Variants in SEC14L4 observed in about 807,000 individuals in gnomAD.
SEC14L4 encodes SEC14-like protein 4.
Under a neutral mutation model 55.1 loss-of-function variants are expected in SEC14L4, and 42 were observed. The observed-to-expected ratio is 0.76, with a 90% CI of 0.60 to 0.99. The LOEUF is 0.99. Among genes scored for constraint, SEC14L4 ranks in the 50% least tolerant of loss-of-function variants. SEC14L4 has a pLI of 0.00. For missense variants in SEC14L4, 445 were observed against 512.1 expected (o/e 0.87, Z 1.27); for synonymous variants, 206 against 206.8 (o/e 1.00, Z 0.03).
At chr22:30,492,416 T>C (rs756766269) in intron 8 of SEC14L4, 58 bp downstream of exon 8, 29 of 1,469,836 alleles carry the variant, frequency 2.0e-5, no homozygotes, top group Admixed American at 1.5e-4. Flanking sequence ...GCAGGGTCTT[T>C]AGCATTGACC....
At chr22:30,496,561 AC>A (rs373953875) in intron 2 of SEC14L4, among the ~76,000 whole-genome samples, 161 of 149,044 alleles carry the variant, frequency 1.1e-3, no homozygotes, top group Non-Finnish European at 1.6e-3. Context: ...AAGCAGAGAC[AC>A]CCCCCCCCAC....
chr22:30,503,482 C>T (rs1265443884), intron 2 of SEC14L4, among the ~76,000 whole-genome samples, 195 bp downstream of exon 2: 6 of 152,102 alleles, frequency 3.9e-5, no homozygotes, highest in Non-Finnish European at 7.4e-5. Context: ...AGGCTGGTCT[C>T]GAACTCCCGA....
intron 7 of SEC14L4, 200 bp from the exon 8 acceptor site, chr22:30,492,757 A>G (rs1362105734): frequency 1.4e-5 from 8 of 568,556 alleles, no homozygotes; most frequent in Non-Finnish European, 1.9e-5. Flanking sequence ...TAATGTATGT[A>G]TAACACCTGG....
chr22:30,499,874 G>GTTT (rs59479529), intron 2 of SEC14L4, among the ~76,000 whole-genome samples: 13 of 143,470 alleles, frequency 9.1e-5, no homozygotes, highest in African/African-American at 2.8e-4. Flanking sequence ...GAAATTAACT[G>GTTT]TTTTTTTTTT....
chr22:30,505,511 C>T, intron 1 of SEC14L4, 47 bp downstream of exon 1: 1 of 1,536,774 alleles, frequency 6.5e-7, no homozygotes, highest in Non-Finnish European at 8.8e-7. Context: ...CAGTGCCAGG[C>T]TGCTCAGGGC....
chr22:30,501,821 T>A (rs569831511), intron 2 of SEC14L4, among the ~76,000 whole-genome samples: 19 of 132,942 alleles, frequency 1.4e-4, no homozygotes, highest in South Asian at 1.2e-3. Context: ...ATTAAAGTTT[T>A]TATATATATA....
At chr22:30,496,121 TTGTG>T (rs1936142220) in intron 2 of SEC14L4, 150 bp from the exon 3 acceptor site, 3 of 654,566 alleles carry the variant, frequency 4.6e-6, no homozygotes, top group Admixed American at 2.7e-5. Flanking sequence ...GTTTGTTTGT[TTGTG>T]TGTTTATTTT....
At chr22:30,495,465 G>C in intron 4 of SEC14L4, 23 bp from the exon 5 acceptor site, 1 of 1,611,082 alleles carries the variant, frequency 6.2e-7, no homozygotes, top group Non-Finnish European at 8.5e-7. Context: ...GTAAGGTCCC[G>C]ACTCAATCCA....
intron 2 of SEC14L4, among the ~76,000 whole-genome samples, chr22:30,497,999 G>A (rs1360442200): frequency 6.6e-6 from 1 of 151,942 alleles, no homozygotes; most frequent in Non-Finnish European, 1.5e-5. Context: ...AACTGAACAG[G>A]GCAGTTCTAT....
rs565846284 is a variant in SEC14L4, at chr22:30,488,969, G to C, written c.*1138C>G. On this transcript the variant is annotated 3_prime_UTR_variant, in exon 12 of 12. Coordinates refer to ENST00000255858, the MANE Select transcript of SEC14L4 (RefSeq NM_174977.4). ...GAATGCCTCGTGGCACTGGCTTTAG[G>C]AGTTTAATCTAGATGGTTTGCTGTT... The C allele has an allele frequency of 6.6e-6, 1 of 151,512 alleles. No individual in the cohort carries two copies. The highest frequency in any genetic ancestry group is 2.1e-4 in the South Asian group (1 of 4,776). 9.4% of individuals were successfully genotyped at this position (151,512 alleles called of 1,614,324 possible).
At chr22:30,499,335 G>A (rs977619618) in intron 2 of SEC14L4, among the ~76,000 whole-genome samples, 2 of 150,372 alleles carry the variant, frequency 1.3e-5, no homozygotes, top group Admixed American at 1.3e-4. Context: ...CGCCTGCTTC[G>A]GCCTCCCAAA....
intron 2 of SEC14L4, among the ~76,000 whole-genome samples, chr22:30,496,672 T>C (rs987404186): frequency 3.3e-5 from 5 of 152,178 alleles, no homozygotes; most frequent in African/African-American, 1.2e-4. Flanking sequence ...TGTGAAACCT[T>C]GAGCAAGTCA....
intron 1 of SEC14L4, among the ~76,000 whole-genome samples, chr22:30,504,340 C>T (rs1042084969): frequency 1.3e-5 from 2 of 152,146 alleles, no homozygotes; most frequent in African/African-American, 4.8e-5. Flanking sequence ...CAGGCGTGAG[C>T]CACCATGCCC....
In SEC14L4 at chr22:30,495,374, G is replaced by A. The variant is rs1358237886; in HGVS notation, c.303C>T (p.Asn101=). The change falls in exon 5 of 12, where the codon AAC becomes AAT. Residue 101 remains asparagine, a synonymous_variant. Coordinates refer to ENST00000255858, the MANE Select transcript of SEC14L4 (RefSeq NM_174977.4). ...YDYEGCPVYF[N]IIGSLDPKGL... ...CCTTGGGGTCGAGGGACCCAATGAT[G>A]TTGAAGTACACAGGGCAGCCTTCGT... 3 of 1,613,996 alleles carry A rather than the reference G, an allele frequency of 1.9e-6. No individual in the cohort carries two copies. In the Admixed American group the frequency reaches 5.0e-5, roughly 27 times the overall value.
At position 30,489,780 on chromosome 22, in the gene SEC14L4, TG is replaced by T; in HGVS notation, c.*326del. 1.5e-6 allele frequency: 2 copies of T among 1,362,240 alleles called. No individual in the cohort carries two copies. The highest frequency in any genetic ancestry group is 2.1e-6 in the Non-Finnish European group (2 of 974,206). 84.4% of individuals were successfully genotyped at this position (1,362,240 alleles called of 1,614,324 possible). A position where few individuals can be genotyped will look rare whatever the true frequency, so the allele number is the denominator to read the frequency against. Reference sequence around the variant, plus strand: ...CAGGCATGGGTGAGTCCTGGGTGGCTGGATCTTGTCAAGATGGGTGAAAGGG... The same window carrying T: ...CAGGCATGGGTGAGTCCTGGGTGGCTGATCTTGTCAAGATGGGTGAAAGGG... On this transcript the variant is annotated 3_prime_UTR_variant, in exon 12 of 12. Coordinates refer to ENST00000255858, the MANE Select transcript of SEC14L4 (RefSeq NM_174977.4).
Position 30,488,953 on chromosome 22 carries a change from G to A in SEC14L4, c.*1154C>T, listed in dbSNP as rs974276137. ...CACCCAGTTGGAACAGGAATGCCTC[G>A]TGGCACTGGCTTTAGGAGTTTAATC... On this transcript the variant is annotated 3_prime_UTR_variant, in exon 12 of 12. Transcript: ENST00000255858. 1.4e-5 allele frequency: 2 copies of A among 144,620 alleles called. No individual in the cohort carries two copies. The highest frequency in any genetic ancestry group is 7.2e-5 in the Admixed American group (1 of 13,868). The allele number at this position is 144,620 out of a possible 1,614,324, so 9.0% of individuals were successfully genotyped here. A position where few individuals can be genotyped will look rare whatever the true frequency, so the allele number is the denominator to read the frequency against.
Position 30,503,667 on chromosome 22 carries a change from C to T in SEC14L4, c.130+10G>A. The T allele has an allele frequency of 6.2e-7, 1 of 1,605,682 alleles. No homozygotes were observed. The highest frequency in any genetic ancestry group is 8.5e-7 in the Non-Finnish European group (1 of 1,173,122). ...CCCTTTCTGCGTCCCCTGACCCCTG[C>T]AAGCCTCACCTCGCAGCCAGCGCAG... On this transcript the variant is annotated intron_variant, in intron 2 of 11. Transcript: ENST00000255858.
At chr22:30,505,019 C>T (rs1386324182) in intron 1 of SEC14L4, among the ~76,000 whole-genome samples, 1 of 151,394 alleles carries the variant, frequency 6.6e-6, no homozygotes, top group African/African-American at 2.4e-5. Flanking sequence ...GTAGCCCCAG[C>T]TACTTGGGAG....
chr22:30,491,498 G>A (rs957321243), intron 11 of SEC14L4, 75 bp downstream of exon 11: 11 of 1,571,216 alleles, frequency 7.0e-6, no homozygotes, highest in Admixed American at 6.8e-5. Flanking sequence ...CCACCCTCCC[G>A]AGAGCTGGAA....
Sources: gnomAD v4.1 joint callset for allele counts (sites outside exome capture counted in the v4.1 genomes callset) on GRCh38, gnomAD v4.1.1 for gene constraint, MANE v1.5 for transcripts, NCBI Gene and HGNC (gene_info 2026-07-23, HGNC 2026-07-21) for gene names.